FRY: variants seen among roughly 807,000 people sequenced by gnomAD.
FRY encodes FRY microtubule binding protein.
FRY carries 128 observed loss-of-function variants against 348.4 expected under a neutral mutation model. The observed-to-expected ratio is 0.37, with a 90% CI of 0.32 to 0.43. The LOEUF is 0.43. Among genes scored for constraint, FRY ranks in the 20% least tolerant of loss-of-function variants. FRY has a pLI of 1.00. For synonymous variants in FRY, 1,370 were observed against 1,374.7 expected (o/e 1.00, Z 0.08); for missense variants, 2,736 against 3,695.2 (o/e 0.74, Z 6.73).
intron 11 of FRY, among the ~76,000 whole-genome samples, chr13:32,142,156 C>T (rs999309440): frequency 6.6e-6 from 1 of 152,148 alleles, no homozygotes; most frequent in East Asian, 1.9e-4. Flanking sequence ...AGAAGAAGTG[C>T]TGTCTTCAAG....
Position 32,239,473 on chromosome 13 carries a change from A to G in FRY, c.6516+124A>G, listed in dbSNP as rs1017609976. ...TCAAAAACTGGAAATAATAACTAAT[A>G]TCACAGTAATGGAAATATAGGGGTG... On this transcript the variant is annotated intron_variant, in intron 45 of 60. Coordinates refer to ENST00000542859, the MANE Select transcript of FRY (RefSeq NM_023037.3). The surrounding 1 kb of genome is among the most constrained non-coding windows in gnomAD (Gnocchi z 4.3). 8.0e-6 allele frequency: 6 copies of G among 754,274 alleles called. No individual in the cohort carries two copies. Among genetic ancestry groups the G allele is most frequent in the Non-Finnish European group, 9.6e-6 (4 of 415,842 alleles). The allele number at this position is 754,274 out of a possible 1,614,324, so 46.7% of individuals were successfully genotyped here. A position where few individuals can be genotyped will look rare whatever the true frequency, so the allele number is the denominator to read the frequency against.
chr13:32,090,193 TA>T (rs1412158669), intron 2 of FRY, among the ~76,000 whole-genome samples: 1 of 149,704 alleles, frequency 6.7e-6, no homozygotes, highest in Non-Finnish European at 1.5e-5. Flanking sequence ...CTAAAAATAT[TA>T]AAAATTAGCC....
At chr13:32,253,148 T>C (rs1473815156) in intron 50 of FRY, among the ~76,000 whole-genome samples, 2 of 152,222 alleles carry the variant, frequency 1.3e-5, no homozygotes, top group Non-Finnish European at 2.9e-5. Context: ...AAAGACAGCC[T>C]TCAGCTGAGG....
chr13:32,133,009 G>C (rs1176453921), intron 8 of FRY, among the ~76,000 whole-genome samples: 1 of 152,144 alleles, frequency 6.6e-6, no homozygotes, highest in African/African-American at 2.4e-5. Flanking sequence ...ACAGAAAGTA[G>C]ACTAACAGTT....
At chr13:32,276,988 C>G (rs183648900) in intron 57 of FRY, among the ~76,000 whole-genome samples, 1 of 152,182 alleles carries the variant, frequency 6.6e-6, no homozygotes, top group Non-Finnish European at 1.5e-5. Flanking sequence ...CTTCTCTTGG[C>G]CTCAGCTCTT....
chr13:32,092,346 G>A (rs1367892666), intron 2 of FRY, among the ~76,000 whole-genome samples: 1 of 152,236 alleles, frequency 6.6e-6, no homozygotes, highest in Non-Finnish European at 1.5e-5. Flanking sequence ...ACTTCTAAGT[G>A]ACTGTGGCCT....
intron 28 of FRY, among the ~76,000 whole-genome samples, chr13:32,188,225 A>G (rs1229097354): frequency 2.0e-5 from 3 of 152,170 alleles, no homozygotes; most frequent in African/African-American, 7.2e-5. Flanking sequence ...CAAGGTTAAG[A>G]CATTTTTCGA....
At chr13:32,218,722 T>G (rs1471987381) in intron 35 of FRY, 27 bp from the exon 36 acceptor site, 1 of 1,413,248 alleles carries the variant, frequency 7.1e-7, no homozygotes, top group Non-Finnish European at 1.0e-6. Context: ...TGTTAATATT[T>G]CATTCTGGTT....
At chr13:32,079,107 A>G (rs1566059385) in intron 2 of FRY, 74 bp downstream of exon 2, 1 of 1,003,934 alleles carries the variant, frequency 1.0e-6, no homozygotes, top group Non-Finnish European at 1.6e-6. Flanking sequence ...TAAACACTAT[A>G]ACAAAAGATG....
At chr13:32,032,601 T>C (rs1394320846) in intron 1 of FRY, among the ~76,000 whole-genome samples, 1 of 152,192 alleles carries the variant, frequency 6.6e-6, no homozygotes, top group African/African-American at 2.4e-5. Context: ...CTGACCTACA[T>C]AAGGATTTTA....
chr13:32,081,372 C>T (rs1482535161), intron 2 of FRY, among the ~76,000 whole-genome samples: 1 of 152,156 alleles, frequency 6.6e-6, no homozygotes, highest in Non-Finnish European at 1.5e-5. Flanking sequence ...TCACCCAGAC[C>T]TCAGTGCAAT....
intron 2 of FRY, among the ~76,000 whole-genome samples, chr13:32,095,214 T>C (rs1469294317): frequency 6.6e-6 from 1 of 152,026 alleles, no homozygotes; most frequent in Non-Finnish European, 1.5e-5. Context: ...TCCCATAGGG[T>C]TGTTTGAACT....
intron 1 of FRY, among the ~76,000 whole-genome samples, chr13:32,045,178 A>G (rs1484538471): frequency 1.3e-5 from 2 of 152,174 alleles, no homozygotes; most frequent in South Asian, 2.1e-4. Context: ...GTTCTTCATC[A>G]GTAATGCTGA....
At chr13:32,205,657 C>T (rs1381693747) in intron 31 of FRY, among the ~76,000 whole-genome samples, 1 of 152,034 alleles carries the variant, frequency 6.6e-6, no homozygotes, top group East Asian at 1.9e-4. Flanking sequence ...TTTGAATCCC[C>T]CTTCAGAGCT....
intron 7 of FRY, among the ~76,000 whole-genome samples, chr13:32,127,002 G>C (rs1879060260): frequency 6.6e-6 from 1 of 152,034 alleles, no homozygotes; most frequent in Admixed American, 6.6e-5. Flanking sequence ...ACTATTTTTA[G>C]TCTTACTAGT....
At chr13:32,086,487 T>C (rs547662453) in intron 2 of FRY, among the ~76,000 whole-genome samples, 2 of 152,300 alleles carry the variant, frequency 1.3e-5, no homozygotes, top group East Asian at 3.9e-4. Context: ...TTTAAATCCC[T>C]GGGTTTAAAC....
intron 2 of FRY, among the ~76,000 whole-genome samples, chr13:32,081,353 T>G (rs1470147938): frequency 6.6e-6 from 1 of 152,202 alleles, no homozygotes; most frequent in Admixed American, 6.5e-5. Flanking sequence ...AAGAGACTTT[T>G]TTGCTCTATC....
At chr13:32,047,589 G>GA (rs1873095069) in intron 1 of FRY, among the ~76,000 whole-genome samples, 3 of 147,650 alleles carry the variant, frequency 2.0e-5, no homozygotes, top group Non-Finnish European at 3.0e-5. Flanking sequence ...TTTGGGGGGG[G>GA]TGCAGAGTTT....
intron 33 of FRY, 142 bp from the exon 34 acceptor site, chr13:32,210,724 A>G: frequency 2.8e-6 from 2 of 726,010 alleles, no homozygotes; most frequent in African/African-American, 1.7e-5. Flanking sequence ...TCCTTGGTCC[A>G]TCCTAGGATA....
Sources: gnomAD v4.1 joint callset for allele counts (sites outside exome capture counted in the v4.1 genomes callset) on GRCh38, gnomAD v4.1.1 for gene constraint, Gnocchi (gnomAD v3.1) non-coding constraint, MANE v1.5 for transcripts, NCBI Gene and HGNC (gene_info 2026-07-23, HGNC 2026-07-21) for gene names.